The following HIVEP2 variants were observed in gnomAD, a reference collection of about 807,000 sequenced individuals.
The protein encoded by HIVEP2 is transcription factor HIVEP2.
A neutral mutation model predicts 180.7 loss-of-function variants in HIVEP2; 14 were observed. The ratio of observed to expected loss-of-function variants is 0.08; its 90% CI spans 0.05 to 0.12. The LOEUF (loss-of-function observed/expected upper bound fraction) is 0.12. Ranked by LOEUF, HIVEP2 falls within the 10% of genes least tolerant of loss-of-function variation. The probability of loss-of-function intolerance (pLI) is 1.00; values close to 1 mark genes in which losing one functional copy is unlikely to be tolerated. For missense variants in HIVEP2, 2,579 were observed against 3,008.5 expected, an observed-to-expected ratio of 0.86 and a Z score of 3.34; for synonymous variants, 1,184 against 1,136.4, an observed-to-expected ratio of 1.04 and a Z score of -0.84.
intron 1 of HIVEP2, among the ~76,000 whole-genome samples, chr6:142,858,899 A>T (rs1241373163): frequency 6.6e-6 from 1 of 151,728 alleles, no homozygotes; most frequent in Non-Finnish European, 1.5e-5. Context: ...CAGCCCTCTC[A>T]CCTGATCTCT....
intron 1 of HIVEP2, among the ~76,000 whole-genome samples, chr6:142,923,815 C>T (rs574308811): frequency 1.3e-5 from 2 of 152,304 alleles, no homozygotes; most frequent in South Asian, 4.1e-4. Context: ...ACAGCAACGG[C>T]TTTTAATCCA....
intron 1 of HIVEP2, among the ~76,000 whole-genome samples, chr6:142,866,718 A>G (rs1340471151): frequency 2.0e-5 from 3 of 152,122 alleles, no homozygotes; most frequent in Admixed American, 6.6e-5. Flanking sequence ...AGCTGTGGAA[A>G]GGGCTTTCTC....
intron 1 of HIVEP2, among the ~76,000 whole-genome samples, chr6:142,883,396 A>G (rs1486176012): frequency 1.3e-5 from 2 of 152,064 alleles, no homozygotes; most frequent in African/African-American, 2.4e-5. Context: ...CAATTCAAAT[A>G]GTTCTTATAT....
intron 1 of HIVEP2, among the ~76,000 whole-genome samples, chr6:142,920,883 T>C (rs1777667369): frequency 1.3e-5 from 2 of 152,058 alleles, no homozygotes; most frequent in African/African-American, 4.8e-5. Context: ...CTTGGGAGAC[T>C]GAGGTAGGAG....
intron 1 of HIVEP2, among the ~76,000 whole-genome samples, chr6:142,907,011 C>T (rs56234765): frequency 0.033 from 4,972 of 152,296 alleles, 127 homozygotes; most frequent in Non-Finnish European, 0.05. Flanking sequence ...CAGTACCTAC[C>T]ATAAAACAAT....
intron 1 of HIVEP2, among the ~76,000 whole-genome samples, chr6:142,898,517 C>A (rs1207250087): frequency 1.3e-5 from 2 of 152,042 alleles, no homozygotes; most frequent in Non-Finnish European, 2.9e-5. Flanking sequence ...AAAAAATTAG[C>A]CAGGTGTGGT....
chr6:142,907,364 T>C (rs2128427963), intron 1 of HIVEP2, among the ~76,000 whole-genome samples: 1 of 151,124 alleles, frequency 6.6e-6, no homozygotes, highest in African/African-American at 2.4e-5. Flanking sequence ...CTTCTAGCAC[T>C]ACCAGTAGTC....
chr6:142,835,503 T>G (rs751246722), intron 2 of HIVEP2, among the ~76,000 whole-genome samples: 17 of 152,258 alleles, frequency 1.1e-4, no homozygotes, highest in Non-Finnish European at 2.5e-4. Flanking sequence ...TGGTTCAGAT[T>G]ATTAATTTCA....
chr6:142,770,143 A>C lies in HIVEP2; in HGVS notation c.4596T>G (p.Ser1532=). The change falls in exon 5 of 10, where the codon TCT becomes TCG. Residue 1532 remains serine (S), a synonymous_variant. Transcript: ENST00000367603. The surrounding 1 kb of genome is among the most constrained non-coding windows in gnomAD (Gnocchi z 4.7). ...SSQDYPSVSP[S]SREPFLPSKE... is the part of the protein sequence containing the mutation. ...TGCTGGGCAGGAATGGCTCCCTGGA[A>C]GACGGGCTAACAGAAGGATAGTCTT... 1 of 1,614,256 alleles carries C rather than the reference A, an allele frequency of 6.2e-7. No individual in the cohort carries two copies. The highest frequency in any genetic ancestry group is 8.5e-7 in the Non-Finnish European group (1 of 1,180,048).
At chr6:142,822,386 T>C (rs1394886286) in intron 2 of HIVEP2, among the ~76,000 whole-genome samples, 2 of 152,206 alleles carry the variant, frequency 1.3e-5, no homozygotes, top group Non-Finnish European at 2.9e-5. Flanking sequence ...AAAAACAAGA[T>C]ATAGTGCAGG....
intron 1 of HIVEP2, among the ~76,000 whole-genome samples, chr6:142,859,994 T>G (rs1173606720): frequency 6.6e-6 from 1 of 152,146 alleles, no homozygotes; most frequent in Non-Finnish European, 1.5e-5. Flanking sequence ...ATCAAAATCT[T>G]CATTTTTGTT....
In HIVEP2 at chr6:142,773,787, A is replaced by G. The variant is rs944389382; in HGVS notation, c.952T>C (p.Ser318Pro). The part of the protein sequence containing the change: ...RGGYHGSLEE[S>P]LGGPMKVPIL... ...GGCACCTTCATTGGACCTCCCAATG[A>G]TTCTTCCAATGACCCATGATAGCCG... Residue 318 changes from serine to proline, a missense_variant, in exon 5 of 10, where the codon TCA (serine) becomes CCA (proline). By Grantham distance (74) the Ser-to-Pro change is moderately conservative. Coordinates refer to ENST00000367603, the MANE Select transcript of HIVEP2 (RefSeq NM_006734.4). 9 of 1,613,850 alleles carry G rather than the reference A, an allele frequency of 5.6e-6. No individual in the cohort carries two copies. In the Admixed American group the frequency reaches 1.2e-4, roughly 21 times the overall value.
At chr6:142,818,741 GAAAGA>G (rs1562249174) in intron 2 of HIVEP2, among the ~76,000 whole-genome samples, 2 of 76,424 alleles carry the variant, frequency 2.6e-5, no homozygotes, top group Non-Finnish European at 5.5e-5. Flanking sequence ...AGAAAAGAAA[GAAAGA>G]AAGAAAGAAA....
intron 2 of HIVEP2, among the ~76,000 whole-genome samples, chr6:142,823,106 C>T (rs895083482): frequency 2.0e-5 from 3 of 152,170 alleles, no homozygotes; most frequent in South Asian, 2.1e-4. Context: ...ACCAGCTCCC[C>T]CTAGCGTCCT....
intron 1 of HIVEP2, among the ~76,000 whole-genome samples, chr6:142,914,728 T>C (rs1365739492): frequency 1.3e-5 from 2 of 152,240 alleles, no homozygotes; most frequent in African/African-American, 4.8e-5. Context: ...AGTCTCTTCA[T>C]CAAACATAAA....
intron 1 of HIVEP2, among the ~76,000 whole-genome samples, chr6:142,888,203 T>C (rs1776758298): frequency 6.6e-6 from 1 of 151,930 alleles, no homozygotes; most frequent in Non-Finnish European, 1.5e-5. Flanking sequence ...GGATTCTGTT[T>C]TGTTTTGTTT....
rs1431450805 is a variant in HIVEP2, at chr6:142,773,081, T to C, written c.1658A>G (p.Asn553Ser). 6.2e-7 allele frequency: 1 copy of C among 1,614,186 alleles called. No homozygotes were observed. The highest frequency in any genetic ancestry group is 1.1e-5 in the South Asian group (1 of 91,082). Residue 553 changes from asparagine to serine, a missense_variant, in exon 5 of 10, where the codon AAT becomes AGT. By Grantham distance (46) the Asn-to-Ser change is conservative. Coordinates refer to ENST00000367603, the MANE Select transcript of HIVEP2 (RefSeq NM_006734.4). The stretch of plus-strand genomic sequence containing the variant: ...TCTCAAAGAAGGAGGAATAGTTAGA[T>C]TAGTTGCTGAAGAAGTTGGCACTGA... ...SNSVPTSSAT[N>S]LTIPPSLRGS...
intron 2 of HIVEP2, among the ~76,000 whole-genome samples, chr6:142,787,472 A>G (rs1194443408): frequency 3.3e-5 from 5 of 151,956 alleles, no homozygotes; most frequent in Non-Finnish European, 7.4e-5. Context: ...AGTAGTGACT[A>G]AAGATGGGAG....
In HIVEP2 at chr6:142,770,777, G is replaced by T; in HGVS notation, c.3962C>A (p.Ala1321Glu). The change falls in exon 5 of 10, where the codon GCA becomes GAA. Residue 1321 changes from alanine (A) to glutamate (E), a missense_variant. Transcript: ENST00000367603. The surrounding 1 kb of genome is among the most constrained non-coding windows in gnomAD (Gnocchi z 4.7). ...GAGGGACTGCAAAGACCCAGCATTT[G>T]CCGAGGCAAAATCTTCTTGAAGAAC... Reference protein sequence around the residue: ...EQVLQEDFASANAGSLQSLPG... With the variant: ...EQVLQEDFASENAGSLQSLPG... 2.5e-6 allele frequency: 4 copies of T among 1,614,228 alleles called. No individual in the cohort carries two copies. The highest frequency in any genetic ancestry group is 3.4e-6 in the Non-Finnish European group (4 of 1,180,050).
Sources: allele counts gnomAD v4.1 joint callset (sites outside exome capture counted in the v4.1 genomes callset), GRCh38; gene constraint gnomAD v4.1.1; non-coding constraint Gnocchi (gnomAD v3.1); transcripts MANE v1.5; gene names NCBI Gene and HGNC (gene_info 2026-07-23, HGNC 2026-07-21).